The following DTX2 variants were observed in gnomAD, a reference collection of about 807,000 sequenced individuals.
The protein encoded by DTX2 is deltex E3 ubiquitin ligase 2, also known as probable E3 ubiquitin-protein ligase DTX2.
Under a neutral mutation model 55.3 loss-of-function variants are expected in DTX2, and 29 were observed. The observed-to-expected ratio is 0.52, with a 90% CI of 0.39 to 0.71. DTX2 has a LOEUF of 0.71. Among genes scored for constraint, DTX2 ranks in the 30% least tolerant of loss-of-function variants. The pLI, the probability that DTX2 is intolerant of heterozygous loss-of-function variation, is 0.00. For synonymous variants in DTX2, 276 were observed against 340.4 expected (o/e 0.81, Z 2.08); for missense variants, 537 against 822.5 (o/e 0.65, Z 4.25).
At chr7:76,476,573 C>A (rs1214987518) in intron 2 of DTX2, among the ~76,000 whole-genome samples, 2 of 150,088 alleles carry the variant, frequency 1.3e-5, no homozygotes, top group Non-Finnish European at 3.0e-5. Flanking sequence ...GCCGTGCACA[C>A]AAGGGTAGGT....
intron 2 of DTX2, among the ~76,000 whole-genome samples, chr7:76,478,465 G>C (rs1332154874): frequency 6.8e-6 from 1 of 147,282 alleles, no homozygotes; most frequent in Non-Finnish European, 1.5e-5. Context: ...ACCGAGGCTG[G>C]AGTGCCTTGG....
intron 2 of DTX2, among the ~76,000 whole-genome samples, chr7:76,469,549 C>T (rs1187733129): frequency 6.6e-6 from 1 of 150,594 alleles, no homozygotes; most frequent in Non-Finnish European, 1.5e-5. Context: ...CTCGCCACCA[C>T]ACTTGGCTAA....
In DTX2 at chr7:76,503,588, G is replaced by A. The variant is rs756438614; in HGVS notation, c.1551+1G>A. The A allele has an allele frequency of 2.4e-5, 38 of 1,608,220 alleles. No homozygotes were observed. The highest frequency in any genetic ancestry group is 6.7e-5 in the African/African-American group (5 of 74,776). The stretch of plus-strand genomic sequence containing the variant: ...TTACAGCATTCCCCATGGTATCCAG[G>A]TGAGGGGCCTTCTTGAGTCCCCCAC... On this transcript the variant is annotated splice_donor_variant, in intron 9 of 10. Transcript: ENST00000430490. LOFTEE classifies it high-confidence loss of function.
intron 6 of DTX2, among the ~76,000 whole-genome samples, chr7:76,498,376 C>T (rs528304513): frequency 2.8e-4 from 42 of 151,742 alleles, no homozygotes; most frequent in African/African-American, 8.7e-4. Context: ...GGGCTCTGCA[C>T]GCCCTGCCCT....
At chr7:76,491,296 ATTT>A (rs565898747) in intron 4 of DTX2, among the ~76,000 whole-genome samples, 5 of 111,516 alleles carry the variant, frequency 4.5e-5, no homozygotes, top group African/African-American at 6.9e-5. Flanking sequence ...GCACCCAGCC[ATTT>A]TTTTTTTTTT....
chr7:76,505,809 G>A lies in DTX2; in HGVS notation c.*208G>A. The A allele has an allele frequency of 1.6e-6, 1 of 627,904 alleles. No individual in the cohort carries two copies. The highest frequency in any genetic ancestry group is 1.9e-5 in the South Asian group (1 of 51,558). 38.9% of individuals were successfully genotyped at this position (627,904 alleles called of 1,614,324 possible). A position where few individuals can be genotyped will look rare whatever the true frequency, so the allele number is the denominator to read the frequency against. On this transcript the variant is annotated 3_prime_UTR_variant, in exon 11 of 11. Coordinates refer to ENST00000430490, the MANE Select transcript of DTX2 (RefSeq NM_001102594.3). The surrounding 1 kb of genome is among the most constrained non-coding windows in gnomAD (Gnocchi z 4.4). ...GCAGCCCTGGGCAGTTGTACTCATG[G>A]GGGCTTAGGATGCAGCTACCTCAGT...
At chr7:76,463,388 A>G (rs534395955) in intron 1 of DTX2, 157 bp from the exon 2 acceptor site, 1 of 152,440 alleles carries the variant, frequency 6.6e-6, no homozygotes, top group East Asian at 1.9e-4. Context: ...GTGGAGGAAG[A>G]CTGTTGTACC....
chr7:76,463,073 CAAAA>C (rs1167016486), intron 1 of DTX2, among the ~76,000 whole-genome samples: 4 of 56,028 alleles, frequency 7.1e-5, no homozygotes, highest in African/African-American at 1.5e-4. Context: ...TCTCAAAAAA[CAAAA>C]AACAAACAAA....
chr7:76,473,469 T>C (rs1307594731), intron 2 of DTX2, among the ~76,000 whole-genome samples: 6 of 126,708 alleles, frequency 4.7e-5, no homozygotes, highest in African/African-American at 1.8e-4. Flanking sequence ...GTTCTAGAAG[T>C]TACCTCCTCT....
At chr7:76,474,821 A>G (rs1185541765) in intron 2 of DTX2, 5 of 151,924 alleles carry the variant, frequency 3.3e-5, no homozygotes, top group Admixed American at 6.6e-5. Flanking sequence ...TGGAGACTAG[A>G]AAGACTTTTG....
At chr7:76,492,013 G>C in intron 4 of DTX2, 140 bp from the exon 5 acceptor site, 1 of 507,906 alleles carries the variant, frequency 2.0e-6, no homozygotes, top group South Asian at 2.4e-5. Context: ...AAAACCAAAG[G>C]CCTCCACACA....
At position 76,503,638 on chromosome 7, in the gene DTX2, C is replaced by T. The variant is rs371856720; in HGVS notation, c.1551+51C>T. ...CTCCTGGCCACTCCTCTTCCCACCC[C>T]GCCCACATCCCAGCAGTCTGCCCCT... On this transcript the variant is annotated intron_variant, in intron 9 of 10. Coordinates refer to ENST00000430490, the MANE Select transcript of DTX2 (RefSeq NM_001102594.3). 3.5e-5 allele frequency: 53 copies of T among 1,499,220 alleles called. 1 individual carries two copies. The highest frequency in any genetic ancestry group is 4.5e-5 in the Non-Finnish European group (49 of 1,096,048). The allele number at this position is 1,499,220 out of a possible 1,614,324, so 92.9% of individuals were successfully genotyped here.
intron 8 of DTX2, chr7:76,502,682 G>A (rs983822126): frequency 6.2e-5 from 34 of 550,324 alleles, no homozygotes; most frequent in Non-Finnish European, 9.3e-5. Flanking sequence ...GAGGACCAGT[G>A]CGGCTGGTTC....
Position 76,505,869 on chromosome 7 carries a change from G to A in DTX2, c.*268G>A, listed in dbSNP as rs371517327. ...CCGTCTGTCCTCTGGGGGCTGCTTC[G>A]GGCCCGCGGTGCTCGGGGCCTGGTG... On this transcript the variant is annotated 3_prime_UTR_variant, in exon 11 of 11. Coordinates refer to ENST00000430490, the MANE Select transcript of DTX2 (RefSeq NM_001102594.3). This position sits in a 1 kb window ranked among gnomAD's most constrained non-coding sequence, Gnocchi z 4.4. 2 of 579,460 alleles carry A rather than the reference G, an allele frequency of 3.5e-6. No individual in the cohort carries two copies. Among genetic ancestry groups the A allele is most frequent in the African/African-American group, 1.9e-5 (1 of 53,476 alleles). 35.9% of individuals were successfully genotyped at this position (579,460 alleles called of 1,614,324 possible).
At position 76,505,841 on chromosome 7, in the gene DTX2, G is replaced by A. The variant is rs1406378971; in HGVS notation, c.*240G>A. ...AGGATGCAGCTACCTCAGTGCGCAG[G>A]GCCCGTCTGTCCTCTGGGGGCTGCT... On this transcript the variant is annotated 3_prime_UTR_variant, in exon 11 of 11. Transcript: ENST00000430490. This position sits in a 1 kb window ranked among gnomAD's most constrained non-coding sequence, Gnocchi z 4.4. 5 of 600,702 alleles carry A rather than the reference G, an allele frequency of 8.3e-6. No homozygotes were observed. Among genetic ancestry groups the A allele is most frequent in the Non-Finnish European group, 1.2e-5 (4 of 337,258 alleles). 37.2% of individuals were successfully genotyped at this position (600,702 alleles called of 1,614,324 possible). A position where few individuals can be genotyped will look rare whatever the true frequency, so the allele number is the denominator to read the frequency against.
chr7:76,501,241 G>T (rs1811642119), intron 7 of DTX2: 1 of 455,590 alleles, frequency 2.2e-6, no homozygotes, highest in African/African-American at 2.0e-5. Context: ...AGTACCCAGG[G>T]ACTCTTCACT....
rs1809345893 is a variant in DTX2 at position 76,482,491 on chromosome 7, T to G, written c.269-17T>G. ...GGGATGCTAGCAGACTAACCTTTTGTTTTCCTTTGAAAATAGGCACCATGC... is the reference window on the plus strand; with the variant it reads ...GGGATGCTAGCAGACTAACCTTTTGGTTTCCTTTGAAAATAGGCACCATGC... On this transcript the variant is annotated splice_polypyrimidine_tract_variant and intron_variant, in intron 3 of 10. Coordinates refer to ENST00000430490, the MANE Select transcript of DTX2 (RefSeq NM_001102594.3). 2 of 1,561,952 alleles carry G rather than the reference T, an allele frequency of 1.3e-6. No homozygotes were observed. The highest frequency in any genetic ancestry group is 1.4e-5 in the African/African-American group (1 of 73,302).
chr7:76,491,054 T>C (rs1810365446), intron 4 of DTX2, among the ~76,000 whole-genome samples: 1 of 136,540 alleles, frequency 7.3e-6, no homozygotes, highest in African/African-American at 2.9e-5. Context: ...TGGAGTGCAG[T>C]GGTGCAATCT....
rs755739783 is a variant in DTX2, at chr7:76,482,652, G to A, written c.413G>A (p.Arg138Lys). 8 of 1,613,730 alleles carry A rather than the reference G, an allele frequency of 5.0e-6. No homozygotes were observed. The African/African-American group carries it at 9.3e-5, about 19-fold the overall frequency. ...VCDYLEQQVA[R>K]GNQLVDLAPL... ...GACTATCTGGAGCAGCAGGTGGCCA[G>A]GGGCAACCAGCTCGTGGACTTGGCC... The change falls in exon 4 of 11, where the codon AGG becomes AAG. Residue 138 changes from arginine (R) to lysine (K), a missense_variant. Around this residue, in one of 7 missense-constraint regions of DTX2, gnomAD observed 301 missense variants for 396.6 expected, o/e 0.76. Coordinates refer to ENST00000430490, the MANE Select transcript of DTX2 (RefSeq NM_001102594.3).
Sources: allele counts gnomAD v4.1 joint callset (sites outside exome capture counted in the v4.1 genomes callset), GRCh38; gene constraint gnomAD v4.1.1; regional missense constraint gnomAD v4.1.1; non-coding constraint Gnocchi (gnomAD v3.1); transcripts MANE v1.5; gene names NCBI Gene and HGNC (gene_info 2026-07-23, HGNC 2026-07-21).